Variants in OPCML observed in about 807,000 individuals in gnomAD.
The protein encoded by OPCML is opioid binding protein/cell adhesion molecule like.
In OPCML, 13 loss-of-function variants were observed where a neutral mutation model predicts 37.8. That is an observed-to-expected ratio of 0.34 (90% confidence interval 0.22 to 0.55). The LOEUF (loss-of-function observed/expected upper bound fraction) is 0.55, where lower values mean the gene tolerates loss of function less well. Ranked by LOEUF, OPCML falls within the 20% of genes least tolerant of loss-of-function variation. The pLI is 0.91. For missense variants in OPCML, 341 were observed against 435.6 expected (o/e 0.78, Z 1.93); for synonymous variants, 176 against 168.8 (o/e 1.04, Z -0.33).
intron 2 of OPCML, among the ~76,000 whole-genome samples, chr11:132,939,660 G>T (rs1301501632): frequency 1.3e-5 from 2 of 152,188 alleles, no homozygotes; most frequent in Non-Finnish European, 2.9e-5. Context: ...GGAGATTGAG[G>T]CCTGTGAAGA....
intron 2 of OPCML, among the ~76,000 whole-genome samples, chr11:132,685,335 TGA>T (rs1943119707): frequency 1.3e-5 from 2 of 152,222 alleles, no homozygotes; most frequent in Non-Finnish European, 2.9e-5. Context: ...CTAAAAATGT[TGA>T]GAGATTTGCT....
At chr11:132,973,251 A>G (rs1039586595) in intron 1 of OPCML, among the ~76,000 whole-genome samples, 3 of 152,136 alleles carry the variant, frequency 2.0e-5, no homozygotes, top group Admixed American at 2.0e-4. Context: ...GGCTCTGTGC[A>G]AGTGGGTATT....
At chr11:132,775,882 G>A (rs1946793152) in intron 2 of OPCML, among the ~76,000 whole-genome samples, 1 of 152,206 alleles carries the variant, frequency 6.6e-6, no homozygotes. Flanking sequence ...ATAAGTTAAA[G>A]TACAAAGTGA....
intron 2 of OPCML, among the ~76,000 whole-genome samples, chr11:132,746,600 G>A (rs777723319): frequency 1.3e-5 from 2 of 152,082 alleles, no homozygotes; most frequent in Admixed American, 1.3e-4. Flanking sequence ...GTCAGAGGTC[G>A]GGATTAGGTT....
chr11:133,390,024 T>TA (rs1447925197), intron 1 of OPCML, among the ~76,000 whole-genome samples: 2 of 152,198 alleles, frequency 1.3e-5, no homozygotes, highest in Non-Finnish European at 2.9e-5. Context: ...AAGACAGTCA[T>TA]AAAAATACCT....
chr11:133,202,443 C>A (rs189776034), intron 1 of OPCML, among the ~76,000 whole-genome samples: 8 of 152,314 alleles, frequency 5.3e-5, no homozygotes, highest in African/African-American at 1.4e-4. Flanking sequence ...TGATGGTGTG[C>A]TGTTACTGCT....
intron 1 of OPCML, among the ~76,000 whole-genome samples, chr11:133,201,457 A>T (rs1490128743): frequency 1.3e-5 from 2 of 152,022 alleles, no homozygotes; most frequent in East Asian, 3.9e-4. Context: ...GTTTTGATGA[A>T]TTTTTCTCCC....
chr11:133,185,196 A>C (rs533651192), intron 1 of OPCML, among the ~76,000 whole-genome samples: 1 of 152,346 alleles, frequency 6.6e-6, no homozygotes, highest in East Asian at 1.9e-4. Flanking sequence ...AAATACCTTA[A>C]GAAAGGCAAG....
At position 132,734,671 on chromosome 11, in the gene OPCML, A is replaced by T. The variant is rs564778301; in HGVS notation, c.147-77352T>A. Among the ~76,000 whole-genome samples the T allele has an allele frequency of 1.2e-4, 19 of 152,344 alleles. No homozygotes were observed. The South Asian group carries it at 3.9e-3, about 32-fold the overall frequency. ...GGAGATCAACATTATTGTGGTTTTA[A>T]TCCACTATGGATTGGGAGTAATTTG... On this transcript the variant is annotated intron_variant, in intron 2 of 7. Coordinates refer to ENST00000524381, the MANE Select transcript of OPCML (RefSeq NM_001012393.5).
intron 3 of OPCML, among the ~76,000 whole-genome samples, chr11:132,633,575 G>A (rs1416523128): frequency 6.6e-6 from 1 of 152,154 alleles, no homozygotes; most frequent in Non-Finnish European, 1.5e-5. Context: ...CTGGGTCTGA[G>A]CCTGGCCTCT....
intron 3 of OPCML, among the ~76,000 whole-genome samples, chr11:132,562,804 C>T (rs1444174809): frequency 6.6e-6 from 1 of 152,052 alleles, no homozygotes; most frequent in Non-Finnish European, 1.5e-5. Context: ...AATAACTTGA[C>T]TCAGGCTGAG....
At chr11:133,378,615 A>G (rs1174163274) in intron 1 of OPCML, among the ~76,000 whole-genome samples, 1 of 152,042 alleles carries the variant, frequency 6.6e-6, no homozygotes, top group Non-Finnish European at 1.5e-5. Flanking sequence ...CGTATTTTTA[A>G]TCCTTTCTCT....
intron 1 of OPCML, among the ~76,000 whole-genome samples, chr11:133,058,321 G>A (rs1948277230): frequency 6.6e-6 from 1 of 152,140 alleles, no homozygotes; most frequent in South Asian, 2.1e-4. Flanking sequence ...AAAGAAAGTA[G>A]CAAAAGGAGA....
At chr11:132,490,712 G>A (rs560749169) in intron 4 of OPCML, among the ~76,000 whole-genome samples, 5 of 151,800 alleles carry the variant, frequency 3.3e-5, no homozygotes, top group South Asian at 2.1e-4. Flanking sequence ...CCGGCTACTC[G>A]AGAGGCTGGG....
chr11:132,434,409 C>T (rs903483346), intron 7 of OPCML, among the ~76,000 whole-genome samples: 1 of 152,152 alleles, frequency 6.6e-6, no homozygotes, highest in Non-Finnish European at 1.5e-5. Context: ...TTCTAAATGC[C>T]TCAGCGACTG....
At chr11:132,773,636 C>A (rs1402340571) in intron 2 of OPCML, among the ~76,000 whole-genome samples, 1 of 152,186 alleles carries the variant, frequency 6.6e-6, no homozygotes, top group African/African-American at 2.4e-5. Context: ...GTGCCTCACC[C>A]ATATTCTAGA....
Position 132,416,840 on chromosome 11 carries a change from A to C in OPCML, c.*3353T>G, listed in dbSNP as rs1394757536. 1 of 152,630 alleles carries C rather than the reference A, an allele frequency of 6.6e-6. No individual in the cohort carries two copies. Among genetic ancestry groups the C allele is most frequent in the African/African-American group, 2.4e-5 (1 of 41,454 alleles). The allele number at this position is 152,630 out of a possible 1,614,324, so 9.5% of individuals were successfully genotyped here. A position where few individuals can be genotyped will look rare whatever the true frequency, so the allele number is the denominator to read the frequency against. On this transcript the variant is annotated 3_prime_UTR_variant, in exon 8 of 8. Coordinates refer to ENST00000524381, the MANE Select transcript of OPCML (RefSeq NM_001012393.5). ...TTAAAGCAAGAATGAGAAAAACTAA[A>C]CATGCTTGTTTAGACTTGCAGTCGA...
At chr11:133,340,606 CT>C (rs1943845377) in intron 1 of OPCML, among the ~76,000 whole-genome samples, 1 of 109,288 alleles carries the variant, frequency 9.2e-6, no homozygotes, top group African/African-American at 4.0e-5. Flanking sequence ...TTAAGACTCT[CT>C]CTGTGTGTGT....
intron 1 of OPCML, among the ~76,000 whole-genome samples, chr11:132,990,025 GAAT>G (rs1166566084): frequency 6.6e-6 from 1 of 152,174 alleles, no homozygotes; most frequent in African/African-American, 2.4e-5. Flanking sequence ...GAAGTTCACT[GAAT>G]CCCAAGACTC....
Sources: gnomAD v4.1 joint callset for allele counts (sites outside exome capture counted in the v4.1 genomes callset) on GRCh38, gnomAD v4.1.1 for gene constraint, MANE v1.5 for transcripts, NCBI Gene and HGNC (gene_info 2026-07-23, HGNC 2026-07-21) for gene names.